GALNTL6: variants seen among roughly 807,000 people sequenced by gnomAD.
GALNTL6 encodes polypeptide N-acetylgalactosaminyltransferase-like 6.
GALNTL6 carries 46 observed loss-of-function variants against 73.7 expected under a neutral mutation model. The observed-to-expected ratio is 0.62, with a 90% confidence interval of 0.49 to 0.80. GALNTL6 has a LOEUF of 0.80. Among genes scored for constraint, GALNTL6 ranks in the 30% least tolerant of loss-of-function variants. The probability of loss-of-function intolerance (pLI) is 0.00; values close to 1 mark genes in which losing one functional copy is unlikely to be tolerated. For missense variants in GALNTL6, 604 were observed against 755.0 expected, an observed-to-expected ratio of 0.80 and a Z score of 2.34; for synonymous variants, 259 against 263.7, an observed-to-expected ratio of 0.98 and a Z score of 0.17.
At chr4:172,517,888 A>G (rs1434748242) in intron 5 of GALNTL6, among the ~76,000 whole-genome samples, 1 of 152,138 alleles carries the variant, frequency 6.6e-6, no homozygotes, top group Non-Finnish European at 1.5e-5. Context: ...TCCAAACCTA[A>G]TTTTGATATT....
chr4:172,929,530 C>T (rs991368972), intron 8 of GALNTL6, among the ~76,000 whole-genome samples: 1 of 152,142 alleles, frequency 6.6e-6, no homozygotes, highest in African/African-American at 2.4e-5. Context: ...GGTGGGCAAG[C>T]TGGAGACTCA....
chr4:172,575,984 A>G (rs571218403), intron 5 of GALNTL6, among the ~76,000 whole-genome samples: 43 of 152,322 alleles, frequency 2.8e-4, no homozygotes, highest in African/African-American at 9.9e-4. Context: ...AGTTACTGGC[A>G]TTTGTGGTCT....
At chr4:172,899,074 A>G (rs562386151) in intron 8 of GALNTL6, among the ~76,000 whole-genome samples, 90 of 152,280 alleles carry the variant, frequency 5.9e-4, no homozygotes, top group Non-Finnish European at 9.9e-4. Flanking sequence ...GTAAGCCCTT[A>G]AAAGGGACAG....
chr4:172,701,400 G>A (rs775123879), intron 5 of GALNTL6, among the ~76,000 whole-genome samples: 2 of 152,218 alleles, frequency 1.3e-5, no homozygotes, highest in African/African-American at 2.4e-5. Context: ...AGGCTATTCA[G>A]TTACAGAATC....
chr4:171,895,403 A>G (rs1736882488), intron 2 of GALNTL6, among the ~76,000 whole-genome samples: 1 of 152,192 alleles, frequency 6.6e-6, no homozygotes, highest in Non-Finnish European at 1.5e-5. Flanking sequence ...GGGAGTATCT[A>G]GAAGAGGAAT....
At chr4:172,061,442 CAA>C (rs1731197677) in intron 2 of GALNTL6, among the ~76,000 whole-genome samples, 1 of 152,062 alleles carries the variant, frequency 6.6e-6, no homozygotes, top group South Asian at 2.1e-4. Context: ...TCAAATGTTG[CAA>C]AATCCCCTCA....
At chr4:172,119,303 A>T (rs1057231687) in intron 2 of GALNTL6, among the ~76,000 whole-genome samples, 3 of 152,180 alleles carry the variant, frequency 2.0e-5, no homozygotes, top group African/African-American at 7.2e-5. Flanking sequence ...GATTTATTTC[A>T]GTGCACTAAT....
intron 3 of GALNTL6, among the ~76,000 whole-genome samples, chr4:172,239,753 T>A (rs1040877416): frequency 1.8e-4 from 28 of 152,206 alleles, no homozygotes; most frequent in Non-Finnish European, 3.4e-4. Context: ...AATGCTGCGT[T>A]GTGTGGTTAA....
At chr4:172,184,213 C>T (rs1735348430) in intron 2 of GALNTL6, among the ~76,000 whole-genome samples, 1 of 152,184 alleles carries the variant, frequency 6.6e-6, no homozygotes, top group East Asian at 1.9e-4. Context: ...TCTCCCATTG[C>T]AGACATTGGT....
chr4:171,852,726 T>C (rs150200381), intron 2 of GALNTL6, among the ~76,000 whole-genome samples: 3 of 152,234 alleles, frequency 2.0e-5, no homozygotes, highest in East Asian at 3.9e-4. Flanking sequence ...TGGATGTTAA[T>C]TGAATGTGGT....
chr4:172,889,890 T>C (rs993691387), intron 8 of GALNTL6, among the ~76,000 whole-genome samples: 1 of 152,088 alleles, frequency 6.6e-6, no homozygotes, highest in African/African-American at 2.4e-5. Flanking sequence ...GGTCCGGCCT[T>C]TTTTTGTTTG....
At chr4:172,795,560 T>C (rs1740216919) in intron 5 of GALNTL6, among the ~76,000 whole-genome samples, 1 of 152,310 alleles carries the variant, frequency 6.6e-6, no homozygotes, top group South Asian at 2.1e-4. Context: ...ATTTTTGTGG[T>C]TACATAGTAG....
At chr4:172,749,093 T>C (rs201607068) in intron 5 of GALNTL6, among the ~76,000 whole-genome samples, 1 of 92,550 alleles carries the variant, frequency 1.1e-5, no homozygotes, top group African/African-American at 5.7e-5. Context: ...TTGTTGTTTG[T>C]TTTTTTTTTG....
chr4:172,393,230 G>A (rs555348688), intron 5 of GALNTL6, among the ~76,000 whole-genome samples: 1 of 152,212 alleles, frequency 6.6e-6, no homozygotes, highest in East Asian at 2.0e-4. Context: ...GATAGAACAT[G>A]TGAGTGTCTA....
chr4:172,718,990 T>C (rs1003014629), intron 5 of GALNTL6, among the ~76,000 whole-genome samples: 13 of 152,154 alleles, frequency 8.5e-5, no homozygotes, highest in African/African-American at 3.1e-4. Context: ...TGAAACACTC[T>C]CCAATTTATA....
At chr4:172,464,208 T>C (rs1292293252) in intron 5 of GALNTL6, among the ~76,000 whole-genome samples, 2 of 152,118 alleles carry the variant, frequency 1.3e-5, no homozygotes. Context: ...GCCCTTTGTT[T>C]TTCTTTGTCT....
chr4:172,044,986 G>A (rs1742179282), intron 2 of GALNTL6, among the ~76,000 whole-genome samples: 1 of 152,006 alleles, frequency 6.6e-6, no homozygotes, highest in Non-Finnish European at 1.5e-5. Context: ...CCCATGTCAA[G>A]TATGCCAGCC....
intron 5 of GALNTL6, among the ~76,000 whole-genome samples, chr4:172,519,089 T>C (rs184739032): frequency 0.019 from 2,854 of 147,062 alleles, 41 homozygotes; most frequent in Middle Eastern, 0.085. Context: ...TTAGAACTTA[T>C]ATGTATATAC....
intron 5 of GALNTL6, among the ~76,000 whole-genome samples, chr4:172,681,134 A>C (rs139880670): frequency 5.9e-5 from 9 of 152,272 alleles, no homozygotes; most frequent in Non-Finnish European, 1.3e-4. Context: ...TATGAAGGGT[A>C]ATGGCAGGTA....
Sources: allele counts gnomAD v4.1 joint callset (sites outside exome capture counted in the v4.1 genomes callset), GRCh38; gene constraint gnomAD v4.1.1; transcripts MANE v1.5; gene names NCBI Gene and HGNC (gene_info 2026-07-23, HGNC 2026-07-21).